Variants in MYT1L observed in about 807,000 individuals in gnomAD.
MYT1L encodes the protein myelin transcription factor 1 like, also known as myelin transcription factor 1-like protein.
Under a neutral mutation model 126.7 loss-of-function variants are expected in MYT1L, and 12 were observed. The observed-to-expected ratio is 0.09, with a 90% CI of 0.06 to 0.15. The LOEUF (loss-of-function observed/expected upper bound fraction) is 0.15. Among genes scored for constraint, MYT1L ranks in the 10% least tolerant of loss-of-function variants. The pLI is 1.00. For missense variants in MYT1L, 979 were observed against 1,585.2 expected (o/e 0.62, Z 6.49); for synonymous variants, 541 against 604.2 (o/e 0.90, Z 1.53).
Position 1,910,363 on chromosome 2 carries a change from G to T in MYT1L, c.1710-16C>A, listed in dbSNP as rs2051769919. On this transcript the variant is annotated splice_polypyrimidine_tract_variant and intron_variant, in intron 12 of 24. Coordinates refer to ENST00000647738, the MANE Select transcript of MYT1L (RefSeq NM_001303052.2). The surrounding 1 kb of genome is among the most constrained non-coding windows in gnomAD (Gnocchi z 4.8). The stretch of plus-strand genomic sequence containing the variant: ...TCCGGAGAGGCTGCAATCACAGAAA[G>T]CGGGTTGAATGGTCCCGCCTCAAAC... 1 of 1,606,752 alleles carries T rather than the reference G, an allele frequency of 6.2e-7. No individual in the cohort carries two copies. The highest frequency in any genetic ancestry group is 1.7e-5 in the Admixed American group (1 of 59,978).
rs768930445 is a variant in MYT1L, at chr2:1,887,652, T to C, written c.2521-43A>G. ...CTTCAGAGCCACACGGATGATCACATGGCACACAGACTGAGGGAGGTGGTT... is the reference window on the plus strand; with the variant it reads ...CTTCAGAGCCACACGGATGATCACACGGCACACAGACTGAGGGAGGTGGTT... On this transcript the variant is annotated intron_variant, in intron 16 of 24. Coordinates refer to ENST00000647738, the MANE Select transcript of MYT1L (RefSeq NM_001303052.2). The surrounding 1 kb of genome is among the most constrained non-coding windows in gnomAD (Gnocchi z 4.8). 5 of 1,613,548 alleles carry C rather than the reference T, an allele frequency of 3.1e-6. No individual in the cohort carries two copies. Among genetic ancestry groups the C allele is most frequent in the Non-Finnish European group, 3.4e-6 (4 of 1,179,722 alleles).
chr2:2,042,652 A>T (rs1426129178), intron 4 of MYT1L, among the ~76,000 whole-genome samples: 1 of 152,142 alleles, frequency 6.6e-6, no homozygotes, highest in African/African-American at 2.4e-5. Flanking sequence ...TCAGAACCAC[A>T]CAAAGGCCCT....
intron 3 of MYT1L, among the ~76,000 whole-genome samples, chr2:2,121,224 T>C (rs2080955679): frequency 6.6e-6 from 1 of 152,208 alleles, no homozygotes; most frequent in African/African-American, 2.4e-5. Context: ...CAGGCTGGAG[T>C]GCAACGGCGC....
chr2:2,320,582 C>T (rs2096146132), intron 1 of MYT1L, among the ~76,000 whole-genome samples: 2 of 152,064 alleles, frequency 1.3e-5, no homozygotes, highest in Non-Finnish European at 2.9e-5. Flanking sequence ...CAGCACAACA[C>T]TGTTAGAACA....
intron 5 of MYT1L, among the ~76,000 whole-genome samples, chr2:1,981,775 T>C (rs776354535): frequency 3.9e-5 from 6 of 152,086 alleles, no homozygotes; most frequent in Non-Finnish European, 7.4e-5. Flanking sequence ...GGCAGTGCAG[T>C]TGGGAGCAAG....
intron 18 of MYT1L, among the ~76,000 whole-genome samples, chr2:1,874,669 A>T (rs2046673200): frequency 6.6e-6 from 1 of 152,200 alleles, no homozygotes; most frequent in South Asian, 2.1e-4. Context: ...ACAGGGTGGC[A>T]GAGCCAGAGG....
chr2:1,804,404 G>A (rs1572385841), intron 22 of MYT1L, among the ~76,000 whole-genome samples: 1 of 152,118 alleles, frequency 6.6e-6, no homozygotes, highest in African/African-American at 2.4e-5. Context: ...TTACAGGCGT[G>A]AGCCACCGCG....
intron 3 of MYT1L, among the ~76,000 whole-genome samples, chr2:2,073,381 A>G (rs1221034448): frequency 6.6e-6 from 1 of 152,034 alleles, no homozygotes; most frequent in Non-Finnish European, 1.5e-5. Context: ...CTGTAAGAAG[A>G]TTACAGAAAG....
chr2:2,288,592 ATAT>A (rs1397312346), intron 1 of MYT1L, among the ~76,000 whole-genome samples: 2 of 152,212 alleles, frequency 1.3e-5, no homozygotes, highest in Non-Finnish European at 2.9e-5. Flanking sequence ...TTGCTTGTTG[ATAT>A]TATCATATTT....
intron 1 of MYT1L, chr2:2,324,377 T>C (rs1287304942): frequency 6.6e-6 from 1 of 152,256 alleles, no homozygotes; most frequent in Non-Finnish European, 1.5e-5. Context: ...ACTCTTCTAA[T>C]GCTTTTGAAC....
intron 21 of MYT1L, among the ~76,000 whole-genome samples, chr2:1,830,210 C>A (rs868608628): frequency 6.6e-6 from 1 of 152,090 alleles, no homozygotes; most frequent in East Asian, 1.9e-4. Context: ...GAGTCACTCA[C>A]GGGGGGTCAG....
intron 2 of MYT1L, among the ~76,000 whole-genome samples, chr2:2,220,018 A>G (rs968177036): frequency 3.9e-5 from 6 of 152,198 alleles, no homozygotes; most frequent in Admixed American, 2.6e-4. Context: ...GACACAGGAC[A>G]GGGGAAAAGC....
intron 23 of MYT1L, among the ~76,000 whole-genome samples, chr2:1,797,268 C>A (rs911785983): frequency 2.0e-5 from 3 of 151,698 alleles, no homozygotes; most frequent in Non-Finnish European, 4.4e-5. Context: ...CTTTTTTTTT[C>A]TTTTCCCGCC....
At chr2:1,891,880 A>G (rs548157437) in intron 15 of MYT1L, among the ~76,000 whole-genome samples, 157 bp downstream of exon 15, 3 of 152,186 alleles carry the variant, frequency 2.0e-5, no homozygotes, top group African/African-American at 7.2e-5. Flanking sequence ...GCGTTAAGGG[A>G]AGCTGCACTA....
intron 4 of MYT1L, among the ~76,000 whole-genome samples, chr2:2,002,117 C>G (rs1342125704): frequency 6.6e-6 from 1 of 152,200 alleles, no homozygotes; most frequent in African/African-American, 2.4e-5. Flanking sequence ...CATTCTACTT[C>G]TTTTTATTGA....
At chr2:1,949,850 C>T (rs2057584316) in intron 8 of MYT1L, among the ~76,000 whole-genome samples, 1 of 152,190 alleles carries the variant, frequency 6.6e-6, no homozygotes, top group Admixed American at 6.5e-5. Context: ...TGATTCCCCA[C>T]AACCACCTCT....
At chr2:2,248,038 A>G (rs1039582168) in intron 2 of MYT1L, among the ~76,000 whole-genome samples, 30 of 152,226 alleles carry the variant, frequency 2.0e-4, no homozygotes, top group African/African-American at 6.7e-4. Context: ...AATAAAGATA[A>G]AAGCAGAAAT....
At chr2:2,277,043 G>A (rs975911007) in intron 2 of MYT1L, among the ~76,000 whole-genome samples, 4 of 151,564 alleles carry the variant, frequency 2.6e-5, no homozygotes, top group South Asian at 2.1e-4. Flanking sequence ...GTGCAGTGGC[G>A]CAATCTTAGC....
rs2056835557 is a variant in MYT1L, at chr2:1,943,089, TCCTCCTCCTCCCGGTCCC to T, written c.380_397del (p.Gly127_Glu132del). The stretch of plus-strand genomic sequence containing the variant: ...GTCCTCATCCTCCTCCTCGATCTCC[TCCTCCTCCTCCCGGTCCC>T]CCTCCTCGTCCTCCTCGTCCTCATC... On this transcript the variant is annotated inframe_deletion, in exon 9 of 25. Coordinates refer to ENST00000647738, the MANE Select transcript of MYT1L (RefSeq NM_001303052.2). This position sits in a 1 kb window ranked among gnomAD's most constrained non-coding sequence, Gnocchi z 4.4. The T allele has an allele frequency of 1.4e-6, 2 of 1,459,154 alleles. No individual in the cohort carries two copies. Among genetic ancestry groups the T allele is most frequent in the Admixed American group, 2.0e-5 (1 of 50,818 alleles). The allele number at this position is 1,459,154 out of a possible 1,614,324, so 90.4% of individuals were successfully genotyped here. A position where few individuals can be genotyped will look rare whatever the true frequency, so the allele number is the denominator to read the frequency against.
Sources: gnomAD v4.1 joint callset for allele counts (sites outside exome capture counted in the v4.1 genomes callset) on GRCh38, gnomAD v4.1.1 for gene constraint, Gnocchi (gnomAD v3.1) non-coding constraint, MANE v1.5 for transcripts, NCBI Gene and HGNC (gene_info 2026-07-23, HGNC 2026-07-21) for gene names.